The following SLCO1B3 variants were observed in gnomAD, a reference collection of about 807,000 sequenced individuals.
The protein encoded by SLCO1B3 is liver-specific organic anion transporter 2.
In SLCO1B3, 72 loss-of-function variants were observed where a neutral mutation model predicts 71.8. That is an observed-to-expected ratio of 1.00 (90% CI 0.83 to 1.22). The LOEUF (loss-of-function observed/expected upper bound fraction) is 1.22, where lower values mean the gene tolerates loss of function less well. Ranked by LOEUF, SLCO1B3 falls within the 50% of genes most tolerant of loss-of-function variation. The pLI is 0.00. For missense variants in SLCO1B3, 911 were observed against 819.7 expected (o/e 1.11, Z -1.36); for synonymous variants, 298 against 278.4 (o/e 1.07, Z -0.70).
chr12:20,811,905 A>ATTTTTTTTTTTT lies in SLCO1B3; in HGVS notation c.-181+1149_-181+1160dup, dbSNP rs11292391. 8.7e-5 allele frequency among the ~76,000 whole-genome samples: 10 copies of ATTTTTTTTTTTT among 114,856 alleles called. 1 individual carries two copies. Among genetic ancestry groups the ATTTTTTTTTTTT allele is most frequent in the Non-Finnish European group, 1.3e-4 (7 of 55,940 alleles). 75.3% of individuals were successfully genotyped at this position (114,856 alleles called of 152,430 possible). ...TAGGTACTTTGTACTTACTTGATAC[A>ATTTTTTTTTTTT]TTTTTTTTTTTTTTTTTTTGAGAAG... is the stretch of plus-strand genomic sequence containing the variant. On this transcript the variant is annotated intron_variant, in intron 1 of 15. Transcript: ENST00000381545.
intron 5 of SLCO1B3, 107 bp downstream of exon 5, chr12:20,858,678 C>A: frequency 2.9e-6 from 3 of 1,020,204 alleles, no homozygotes; most frequent in Non-Finnish European, 2.9e-6. Flanking sequence ...GAGAGGAATA[C>A]CTATAGGTAT....
At chr12:20,830,983 A>T in intron 3 of SLCO1B3, among the ~76,000 whole-genome samples, 1 of 152,194 alleles carries the variant, frequency 6.6e-6, no homozygotes, top group East Asian at 1.9e-4. Flanking sequence ...GATTTCCAGA[A>T]TAATCCCTTA....
intron 13 of SLCO1B3, among the ~76,000 whole-genome samples, chr12:20,891,781 C>G (rs10841694): frequency 0.018 from 2,807 of 152,116 alleles, 77 homozygotes; most frequent in East Asian, 0.097. Flanking sequence ...TCTTCTAGCT[C>G]TGAAATTGTT....
Position 20,858,492 on chromosome 12 carries a change from C to A in SLCO1B3, c.280C>A (p.Pro94Thr). The change falls in exon 5 of 16, where the codon CCG becomes ACG. Residue 94 changes from proline to threonine, a missense_variant. Physicochemically the swap from Pro to Thr is conservative, Grantham distance 38 (BLOSUM62 -1). Coordinates refer to ENST00000381545, the MANE Select transcript of SLCO1B3 (RefSeq NM_019844.4). The part of the protein sequence containing the change: ...VSYFGSKLHR[P>T]KLIGIGCLLM... ...TTACTTTGGATCTAAACTACACAGA[C>A]CGAAGTTAATTGGAATTGGTTGTCT... 6.3e-7 allele frequency: 1 copy of A among 1,599,378 alleles called. No individual in the cohort carries two copies. Among genetic ancestry groups the A allele is most frequent in the Non-Finnish European group, 8.6e-7 (1 of 1,166,852 alleles).
intron 3 of SLCO1B3, among the ~76,000 whole-genome samples, chr12:20,822,175 C>G (rs532188028): frequency 7.9e-5 from 12 of 152,268 alleles, no homozygotes; most frequent in African/African-American, 2.2e-4. Flanking sequence ...ATCCAAGTCA[C>G]GGCACCAAAT....
At chr12:20,825,365 C>T (rs1864399219) in intron 3 of SLCO1B3, among the ~76,000 whole-genome samples, 1 of 152,096 alleles carries the variant, frequency 6.6e-6, no homozygotes, top group Non-Finnish European at 1.5e-5. Flanking sequence ...TAATTTCTGG[C>T]ACTGTGTCTC....
chr12:20,901,378 G>T lies in SLCO1B3; in HGVS notation c.1776G>T (p.Gly592=). The change falls in exon 15 of 16, where the codon GGG becomes GGT. Residue 592 remains glycine (G), a synonymous_variant. Transcript: ENST00000381545. The part of the protein sequence containing the change: ...LGGILAPIYF[G]ALIDKTCMKW... ...GAATTCTAGCTCCAATATATTTTGG[G>T]GCTCTGATTGATAAAACATGTATGA... The T allele has an allele frequency of 6.3e-7, 1 of 1,584,110 alleles. No homozygotes were observed. The highest frequency in any genetic ancestry group is 8.6e-7 in the Non-Finnish European group (1 of 1,168,106).
chr12:20,858,567 G>C lies in SLCO1B3; in HGVS notation c.355G>C (p.Gly119Arg), dbSNP rs1348113154. 1 of 1,605,754 alleles carries C rather than the reference G, an allele frequency of 6.2e-7. No homozygotes were observed. The highest frequency in any genetic ancestry group is 8.5e-7 in the Non-Finnish European group (1 of 1,173,342). ...ILTSLPHFFM[G>R]YYRYSKETHI... ...GACATCTTTACCACATTTCTTCATGGGATAGTAAGTGTTAAACAGCTCTGA... is the reference window on the plus strand; with the variant it reads ...GACATCTTTACCACATTTCTTCATGCGATAGTAAGTGTTAAACAGCTCTGA... Residue 119 changes from glycine (G) to arginine (R), a missense_variant, in exon 5 of 16, where the codon GGA becomes CGA. Transcript: ENST00000381545.
intron 15 of SLCO1B3, among the ~76,000 whole-genome samples, chr12:20,901,679 A>G (rs1052943997): frequency 6.6e-6 from 1 of 152,096 alleles, no homozygotes; most frequent in Admixed American, 6.6e-5. Flanking sequence ...CTTTTTCCTT[A>G]AATATGAAGA....
At chr12:20,911,118 C>CTCCT (rs1285119095) in intron 15 of SLCO1B3, among the ~76,000 whole-genome samples, 2 of 151,958 alleles carry the variant, frequency 1.3e-5, no homozygotes, top group East Asian at 3.9e-4. Flanking sequence ...TGATAAAATT[C>CTCCT]TCCTCTATTC....
intron 11 of SLCO1B3, among the ~76,000 whole-genome samples, 164 bp from the exon 12 acceptor site, chr12:20,880,691 C>A (rs1865672759): frequency 6.6e-6 from 1 of 152,054 alleles, no homozygotes; most frequent in African/African-American, 2.4e-5. Flanking sequence ...AATCAAATTT[C>A]TCTATCTAAT....
intron 3 of SLCO1B3, among the ~76,000 whole-genome samples, chr12:20,823,284 TA>T (rs1332130720): frequency 1.1e-4 from 17 of 152,038 alleles, no homozygotes; most frequent in African/African-American, 3.9e-4. Flanking sequence ...TAATATTTAG[TA>T]ATTTCAAATT....
At position 20,815,823 on chromosome 12, in the gene SLCO1B3, G is replaced by A. The variant is rs895066779; in HGVS notation, c.84+1G>A. On this transcript the variant is annotated splice_donor_variant, in intron 3 of 15. Transcript: ENST00000381545. LOFTEE classifies it high-confidence loss of function. ...AACAAGACGCTGCAATGGATTCAAG[G>A]TAGAATGGGTTTTATATTTTCAAAC... The A allele has an allele frequency of 1.9e-6, 3 of 1,562,956 alleles. No homozygotes were observed. Among genetic ancestry groups the A allele is most frequent in the African/African-American group, 1.4e-5 (1 of 73,518 alleles).
At chr12:20,881,419 C>G (rs969685613) in intron 12 of SLCO1B3, among the ~76,000 whole-genome samples, 10 of 152,180 alleles carry the variant, frequency 6.6e-5, no homozygotes, top group Admixed American at 5.9e-4. Context: ...GTTGTCAGCA[C>G]TACCTGCTTT....
At chr12:20,869,805 A>G (rs140451196) in intron 8 of SLCO1B3, among the ~76,000 whole-genome samples, 4 of 152,314 alleles carry the variant, frequency 2.6e-5, no homozygotes, top group African/African-American at 9.6e-5. Context: ...ACAAATGGAA[A>G]TATCTCTGTG....
chr12:20,852,718 A>G (rs2121213893), intron 3 of SLCO1B3, among the ~76,000 whole-genome samples: 1 of 152,080 alleles, frequency 6.6e-6, no homozygotes, highest in East Asian at 1.9e-4. Flanking sequence ...GATTTTCTTA[A>G]TTTCCTTTTG....
At chr12:20,847,616 A>C (rs894761663) in intron 3 of SLCO1B3, among the ~76,000 whole-genome samples, 4 of 152,136 alleles carry the variant, frequency 2.6e-5, no homozygotes, top group African/African-American at 9.7e-5. Flanking sequence ...ACCAAAGTTC[A>C]GTGGCAACCT....
chr12:20,901,909 T>C (rs978735384), intron 15 of SLCO1B3: 8 of 441,576 alleles, frequency 1.8e-5, no homozygotes, highest in African/African-American at 1.6e-4. Flanking sequence ...GGCAGAAGTA[T>C]CCTGCAAGTG....
chr12:20,862,864 A>C lies in SLCO1B3; in HGVS notation c.727+10A>C, dbSNP rs201736270. ...GGATATGTAGATCTGAGTAAGTACAATTAGAACAAGGTACCATGATAGTGT... is the reference window on the plus strand; with the variant it reads ...GGATATGTAGATCTGAGTAAGTACACTTAGAACAAGGTACCATGATAGTGT... On this transcript the variant is annotated intron_variant, in intron 8 of 15. Coordinates refer to ENST00000381545, the MANE Select transcript of SLCO1B3 (RefSeq NM_019844.4). 6.9e-7 allele frequency: 1 copy of C among 1,450,676 alleles called. No homozygotes were observed. 89.9% of individuals were successfully genotyped at this position (1,450,676 alleles called of 1,614,324 possible). A position where few individuals can be genotyped will look rare whatever the true frequency, so the allele number is the denominator to read the frequency against.
Sources: gnomAD v4.1 joint callset for allele counts (sites outside exome capture counted in the v4.1 genomes callset) on GRCh38, gnomAD v4.1.1 for gene constraint, MANE v1.5 for transcripts, NCBI Gene and HGNC (gene_info 2026-07-23, HGNC 2026-07-21) for gene names.